SPATA21: variants seen among roughly 807,000 people sequenced by gnomAD.
The protein encoded by SPATA21 is spermatogenesis associated 21.
A neutral mutation model predicts 54.8 loss-of-function variants in SPATA21; 47 were observed. The ratio of observed to expected loss-of-function variants is 0.86; its 90% CI spans 0.68 to 1.09. The LOEUF (loss-of-function observed/expected upper bound fraction) is 1.09, where lower values mean the gene tolerates loss of function less well. SPATA21 is among the 50% of genes least tolerant of loss of function. SPATA21 has a pLI of 0.00. For synonymous variants in SPATA21, 245 were observed against 235.3 expected (o/e 1.04, Z -0.38); for missense variants, 599 against 596.4 (o/e 1.00, Z -0.05).
chr1:16,422,018 C>T (rs1227269292), intron 3 of SPATA21, 47 bp from the exon 4 acceptor site: 1 of 1,613,884 alleles, frequency 6.2e-7, no homozygotes, highest in African/African-American at 1.3e-5. Context: ...GAGAGCTGTC[C>T]CCATGTCCCC....
At chr1:16,417,622 GT>G (rs200962566) in intron 5 of SPATA21, among the ~76,000 whole-genome samples, 13 of 151,796 alleles carry the variant, frequency 8.6e-5, no homozygotes, top group Admixed American at 2.6e-4. Context: ...TAGAGACGGG[GT>G]TTTTTTTCCC....
chr1:16,409,486 G>A lies in SPATA21; in HGVS notation c.587+115C>T. The A allele has an allele frequency of 2.7e-6, 3 of 1,115,172 alleles. No homozygotes were observed. Among genetic ancestry groups the A allele is most frequent in the South Asian group, 3.1e-5 (2 of 64,962 alleles). 69.1% of individuals were successfully genotyped at this position (1,115,172 alleles called of 1,614,324 possible). ...GAGGAGACACATGAGGAGAAATGGA[G>A]AGAGGGGGACACACGAGGGAACAGG... On this transcript the variant is annotated intron_variant, in intron 6 of 12. Coordinates refer to ENST00000335496, the MANE Select transcript of SPATA21 (RefSeq NM_198546.1). The surrounding 1 kb of genome is among the most constrained non-coding windows in gnomAD (Gnocchi z 4.1).
intron 1 of SPATA21, among the ~76,000 whole-genome samples, chr1:16,435,403 G>A (rs776301955): frequency 2.6e-5 from 4 of 151,630 alleles, no homozygotes; most frequent in Non-Finnish European, 5.9e-5. Flanking sequence ...TGCAACCTCC[G>A]TCTCCCGTGT....
Position 16,415,077 on chromosome 1 carries a change from C to A in SPATA21, c.145-5034G>T, listed in dbSNP as rs183789254. On this transcript the variant is annotated intron_variant, in intron 5 of 12. Transcript: ENST00000335496. Reference sequence around the variant, plus strand: ...CTGGGCCAGGCGCAGTGGCTCATGCCTGTAATCCTAACACTTTCGGATGCT... The same window carrying A: ...CTGGGCCAGGCGCAGTGGCTCATGCATGTAATCCTAACACTTTCGGATGCT... 9.1e-4 allele frequency among the ~76,000 whole-genome samples: 139 copies of A among 152,206 alleles called. No homozygotes were observed. The Middle Eastern group carries it at 0.014, about 15-fold the overall frequency.
At chr1:16,433,797 G>A (rs1425423117) in intron 1 of SPATA21, among the ~76,000 whole-genome samples, 1 of 152,110 alleles carries the variant, frequency 6.6e-6, no homozygotes, top group East Asian at 1.9e-4. Context: ...GACAAATATC[G>A]ACTATGTCAC....
intron 7 of SPATA21, among the ~76,000 whole-genome samples, chr1:16,406,741 C>CAAAT (rs572077192): frequency 2.0e-3 from 297 of 152,218 alleles, no homozygotes; most frequent in African/African-American, 7.0e-3. Flanking sequence ...GGCCCTGTCT[C>CAAAT]AAATAAATAA....
In SPATA21 at chr1:16,428,946, C is replaced by T. The variant is rs935075276; in HGVS notation, c.34+2392G>A. Among the ~76,000 whole-genome samples the T allele has an allele frequency of 2.6e-5, 4 of 152,150 alleles. No homozygotes were observed. Among genetic ancestry groups the T allele is most frequent in the Admixed American group, 2.0e-4 (3 of 15,280 alleles). Reference sequence around the variant, plus strand: ...GGGTGCAGTGACAGGCCCAACATCACACAGCTGGGTAAGTGGTGGGACTGG... The same window carrying T: ...GGGTGCAGTGACAGGCCCAACATCATACAGCTGGGTAAGTGGTGGGACTGG... On this transcript the variant is annotated intron_variant, in intron 3 of 12. Coordinates refer to ENST00000335496, the MANE Select transcript of SPATA21 (RefSeq NM_198546.1). This position sits in a 1 kb window ranked among gnomAD's most constrained non-coding sequence, Gnocchi z 4.3.
At chr1:16,404,561 G>A (rs532596984) in intron 8 of SPATA21, among the ~76,000 whole-genome samples, 6 of 151,844 alleles carry the variant, frequency 4.0e-5, no homozygotes, top group Non-Finnish European at 7.4e-5. Flanking sequence ...TCACGCCTGT[G>A]ATCCCAGCAC....
chr1:16,431,173 G>C, intron 3 of SPATA21, 165 bp downstream of exon 3: 1 of 1,483,138 alleles, frequency 6.7e-7, no homozygotes, highest in Non-Finnish European at 9.0e-7. Context: ...TGGGGAGGAA[G>C]CCTGGGCAGG....
chr1:16,402,818 C>A (rs1043751474), intron 10 of SPATA21, among the ~76,000 whole-genome samples: 2 of 152,078 alleles, frequency 1.3e-5, no homozygotes, highest in Non-Finnish European at 2.9e-5. Context: ...CCCAGCTACT[C>A]GGGAAACTGA....
Position 16,403,483 on chromosome 1 carries a change from C to CTTTTTTTTTTTTTTTTTTTTTTTTT in SPATA21, c.1001+243_1001+244insAAAAAAAAAAAAAAAAAAAAAAAAA. ...AAGCTAGTTTTATTCTAGTTTTTTT[C>CTTTTTTTTTTTTTTTTTTTTTTTTT]TTTTTTTTCTTTTTTTTTTTTTTGA... is the stretch of plus-strand genomic sequence containing the variant. On this transcript the variant is annotated intron_variant, in intron 10 of 12. Transcript: ENST00000335496. 1.7e-5 allele frequency among the ~76,000 whole-genome samples: 2 copies of CTTTTTTTTTTTTTTTTTTTTTTTTT among 117,118 alleles called. 1 individual carries two copies. The highest frequency in any genetic ancestry group is 3.8e-5 in the Non-Finnish European group (2 of 53,002). The allele number at this position is 117,118 out of a possible 152,430, so 76.8% of individuals were successfully genotyped here.
chr1:16,425,899 G>A (rs2086305790), intron 3 of SPATA21, among the ~76,000 whole-genome samples: 1 of 151,974 alleles, frequency 6.6e-6, no homozygotes, highest in South Asian at 2.1e-4. Context: ...AATGTTTGGG[G>A]GAGTTAAAAT....
chr1:16,417,049 G>A (rs894391951), intron 5 of SPATA21, among the ~76,000 whole-genome samples: 1 of 152,148 alleles, frequency 6.6e-6, no homozygotes, highest in Non-Finnish European at 1.5e-5. Flanking sequence ...AAGACAAGTT[G>A]GTAACCAGTA....
At chr1:16,411,620 C>T (rs1014516280) in intron 5 of SPATA21, among the ~76,000 whole-genome samples, 2 of 152,098 alleles carry the variant, frequency 1.3e-5, no homozygotes, top group Non-Finnish European at 2.9e-5. Flanking sequence ...GAAACCCCGT[C>T]TCTACTAAAA....
At chr1:16,401,105 G>A (rs887271171) in intron 10 of SPATA21, among the ~76,000 whole-genome samples, 1 of 152,174 alleles carries the variant, frequency 6.6e-6, no homozygotes, top group Non-Finnish European at 1.5e-5. Flanking sequence ...ATGGAGGGAA[G>A]GGGTTCTCTC....
intron 3 of SPATA21, chr1:16,425,490 T>G: frequency 6.5e-7 from 1 of 1,545,762 alleles, no homozygotes; most frequent in Non-Finnish European, 8.7e-7. Context: ...TGGTAGGTCA[T>G]TCCATACCCT....
rs1570210861 is a variant in SPATA21, at chr1:16,428,621, C to A, written c.34+2717G>T. 6.6e-6 allele frequency among the ~76,000 whole-genome samples: 1 copy of A among 151,906 alleles called. No individual in the cohort carries two copies. Among genetic ancestry groups the A allele is most frequent in the East Asian group, 1.9e-4 (1 of 5,158 alleles). ...GAACTTCTGACCTCAAGTGATCCGT[C>A]TGCCTCAGCCTCCCAAAGTGCTGGG... On this transcript the variant is annotated intron_variant, in intron 3 of 12. Coordinates refer to ENST00000335496, the MANE Select transcript of SPATA21 (RefSeq NM_198546.1). The surrounding 1 kb of genome is among the most constrained non-coding windows in gnomAD (Gnocchi z 4.3).
At chr1:16,424,265 A>T (rs1464292051) in intron 3 of SPATA21, among the ~76,000 whole-genome samples, 1 of 37,898 alleles carries the variant, frequency 2.6e-5, no homozygotes, top group Non-Finnish European at 5.4e-5. Flanking sequence ...GTGAGCCGAG[A>T]TTGCGCCACT....
chr1:16,410,172 C>T (rs2100818592), intron 5 of SPATA21, 129 bp from the exon 6 acceptor site: 2 of 756,014 alleles, frequency 2.6e-6, no homozygotes, highest in South Asian at 2.0e-5. Context: ...GAGGATGTAC[C>T]CCAAATCTCA....
Sources: allele counts gnomAD v4.1 joint callset (sites outside exome capture counted in the v4.1 genomes callset), GRCh38; gene constraint gnomAD v4.1.1; non-coding constraint Gnocchi (gnomAD v3.1); transcripts MANE v1.5; gene names NCBI Gene and HGNC (gene_info 2026-07-23, HGNC 2026-07-21).